RAP1A: variants seen among roughly 807,000 people sequenced by gnomAD.
The protein encoded by RAP1A is RAP1A, member of RAS oncogene family.
RAP1A carries 6 observed loss-of-function variants against 26.4 expected under a neutral mutation model. The observed-to-expected ratio is 0.23, with a 90% CI of 0.12 to 0.45. The LOEUF is 0.45. Ranked by LOEUF, RAP1A falls within the 20% of genes least tolerant of loss-of-function variation. The pLI is 0.99. For synonymous variants in RAP1A, 73 were observed against 79.4 expected (o/e 0.92, Z 0.43); for missense variants, 121 against 217.2 (o/e 0.56, Z 2.78).
chr1:111,676,968 A>G (rs983740885), intron 1 of RAP1A, among the ~76,000 whole-genome samples: 4 of 151,848 alleles, frequency 2.6e-5, no homozygotes, highest in African/African-American at 9.7e-5. Context: ...TAATTTTTGT[A>G]TTTTTAGTAG....
intron 1 of RAP1A, among the ~76,000 whole-genome samples, chr1:111,654,938 G>A (rs2101143908): frequency 6.6e-6 from 1 of 151,932 alleles, no homozygotes; most frequent in East Asian, 1.9e-4. Flanking sequence ...GGAGGTTGAG[G>A]TGGGAGGGAA....
At chr1:111,614,133 C>A (rs755029269) in intron 1 of RAP1A, among the ~76,000 whole-genome samples, 6 of 152,182 alleles carry the variant, frequency 3.9e-5, no homozygotes, top group Non-Finnish European at 7.3e-5. Context: ...CAGTTTGAGG[C>A]CTTGCTAATT....
At chr1:111,683,280 A>G (rs1035141113) in intron 1 of RAP1A, among the ~76,000 whole-genome samples, 1 of 152,130 alleles carries the variant, frequency 6.6e-6, no homozygotes, top group Admixed American at 6.6e-5. Context: ...AGAGCAAACA[A>G]ATTCAAAAGC....
chr1:111,641,325 G>T (rs927796154), intron 1 of RAP1A, among the ~76,000 whole-genome samples: 37 of 152,072 alleles, frequency 2.4e-4, no homozygotes, highest in African/African-American at 8.9e-4. Context: ...CTCTTATTCT[G>T]TTCTTACCAC....
intron 5 of RAP1A, 30 bp from the exon 6 acceptor site, chr1:111,704,313 T>C: frequency 6.2e-7 from 1 of 1,608,850 alleles, no homozygotes; most frequent in Non-Finnish European, 8.5e-7. Context: ...AGTATGTTAT[T>C]GTTCATTTTA....
intron 1 of RAP1A, among the ~76,000 whole-genome samples, chr1:111,689,474 G>A (rs1661601795): frequency 1.3e-5 from 2 of 151,954 alleles, no homozygotes; most frequent in African/African-American, 4.8e-5. Context: ...ATACCCTCCA[G>A]TGATATTTCT....
chr1:111,705,692 G>T (rs1662167558), intron 6 of RAP1A, among the ~76,000 whole-genome samples: 1 of 152,160 alleles, frequency 6.6e-6, no homozygotes, highest in Admixed American at 6.5e-5. Flanking sequence ...CACTATTCCT[G>T]CCCTGAAGAA....
At chr1:111,683,810 A>G (rs555817219) in intron 1 of RAP1A, among the ~76,000 whole-genome samples, 2 of 152,210 alleles carry the variant, frequency 1.3e-5, no homozygotes, top group Non-Finnish European at 2.9e-5. Context: ...AACTCATTTT[A>G]TGAGGCCAGT....
At chr1:111,608,870 CG>C (rs11301653) in intron 1 of RAP1A, 59,421 of 152,260 alleles carry the variant, frequency 0.39, 11,808 homozygotes, top group East Asian at 0.49. Context: ...AGCTTCGGCT[CG>C]GCATCGGGAG....
At chr1:111,705,443 C>CT (rs1662159859) in intron 6 of RAP1A, among the ~76,000 whole-genome samples, 1 of 152,102 alleles carries the variant, frequency 6.6e-6, no homozygotes, top group East Asian at 1.9e-4. Context: ...GACTATTTGA[C>CT]TTTTAAAAAT....
intron 1 of RAP1A, among the ~76,000 whole-genome samples, chr1:111,580,652 G>T (rs1658238023): frequency 6.6e-6 from 1 of 152,086 alleles, no homozygotes; most frequent in Non-Finnish European, 1.5e-5. Flanking sequence ...TTTGAGACCA[G>T]CCTGGCCAAG....
At chr1:111,676,500 T>A (rs769467782) in intron 1 of RAP1A, among the ~76,000 whole-genome samples, 2 of 152,016 alleles carry the variant, frequency 1.3e-5, no homozygotes, top group African/African-American at 4.8e-5. Context: ...TCAGTATGTA[T>A]CTAGTATTCT....
In RAP1A at chr1:111,555,362, T is replaced by TAAAAAAA. The variant is rs397981230; in HGVS notation, c.-28+12876_-28+12882dup. On this transcript the variant is annotated intron_variant, in intron 1 of 7. Transcript: ENST00000356415. ...GCCTGGGTGACAGACTGAGACTCTG[T>TAAAAAAA]AAAAAAAAAAAAAAAAAAAAAAAAA... is the stretch of plus-strand genomic sequence containing the variant. Among the ~76,000 whole-genome samples the TAAAAAAA allele has an allele frequency of 1.1e-3, 51 of 47,638 alleles. 1 individual carries two copies. Among genetic ancestry groups the TAAAAAAA allele is most frequent in the African/African-American group, 5.6e-3 (47 of 8,386 alleles). 31.3% of individuals were successfully genotyped at this position (47,638 alleles called of 152,430 possible).
chr1:111,707,376 C>T (rs1662227440), intron 6 of RAP1A, among the ~76,000 whole-genome samples: 1 of 152,106 alleles, frequency 6.6e-6, no homozygotes, highest in South Asian at 2.1e-4. Flanking sequence ...AAAATGTACT[C>T]AAATGATGTA....
intron 1 of RAP1A, among the ~76,000 whole-genome samples, chr1:111,684,869 C>T (rs570675904): frequency 1.1e-4 from 17 of 152,196 alleles, no homozygotes; most frequent in African/African-American, 3.1e-4. Flanking sequence ...ATCACACTAC[C>T]GGACTTCAAA....
At chr1:111,568,794 C>G (rs900749454) in intron 1 of RAP1A, among the ~76,000 whole-genome samples, 3 of 152,108 alleles carry the variant, frequency 2.0e-5, no homozygotes, top group African/African-American at 7.2e-5. Context: ...CCCTGCCACT[C>G]CTGAGACAGT....
chr1:111,580,922 G>A (rs1042461960), intron 1 of RAP1A, among the ~76,000 whole-genome samples: 1 of 151,356 alleles, frequency 6.6e-6, no homozygotes, highest in African/African-American at 2.4e-5. Context: ...AATTTAAGAG[G>A]CAGAGCAAAG....
chr1:111,656,419 T>G lies in RAP1A; in HGVS notation c.-27-34915T>G, dbSNP rs1660462319. ...GGCAAAACCCTTTTTGAAACCACAT[T>G]CCCCTTTCCCTTGTAGTAGTGACCA... is the stretch of plus-strand genomic sequence containing the variant. On this transcript the variant is annotated intron_variant, in intron 1 of 7. Coordinates refer to ENST00000369709, the MANE Select transcript of RAP1A (RefSeq NM_002884.4). Among the ~76,000 whole-genome samples, 4 of 152,320 alleles carry G rather than the reference T, an allele frequency of 2.6e-5. 1 individual carries two copies. In the South Asian group the frequency reaches 8.3e-4, roughly 32 times the overall value.
chr1:111,586,807 C>T (rs958835107), intron 1 of RAP1A, among the ~76,000 whole-genome samples: 17 of 152,252 alleles, frequency 1.1e-4, no homozygotes, highest in African/African-American at 4.1e-4. Flanking sequence ...CACTTTACTG[C>T]CTTCTTTGAG....
Sources: gnomAD v4.1 joint callset for allele counts (sites outside exome capture counted in the v4.1 genomes callset) on GRCh38, gnomAD v4.1.1 for gene constraint, MANE v1.5 for transcripts, NCBI Gene and HGNC (gene_info 2026-07-23, HGNC 2026-07-21) for gene names.